Variants in PITPNA observed in about 807,000 individuals in gnomAD.
The protein encoded by PITPNA is phosphatidylinositol transfer protein alpha isoform.
Under a neutral mutation model 50.3 loss-of-function variants are expected in PITPNA, and 13 were observed. The observed-to-expected ratio is 0.26, with a 90% confidence interval of 0.17 to 0.41. The LOEUF (loss-of-function observed/expected upper bound fraction) is 0.41. Among genes scored for constraint, PITPNA ranks in the 10% least tolerant of loss-of-function variants. The pLI is 1.00. For missense variants in PITPNA, 207 were observed against 333.4 expected (o/e 0.62, Z 2.95); for synonymous variants, 120 against 119.6 (o/e 1.00, Z -0.02).
chr17:1,548,925 G>A (rs1473477746), intron 3 of PITPNA, among the ~76,000 whole-genome samples: 1 of 152,162 alleles, frequency 6.6e-6, no homozygotes, highest in Non-Finnish European at 1.5e-5. Flanking sequence ...TGTTTGAGAC[G>A]GAGTCTCCCT....
At chr17:1,526,133 A>G (rs1352339581) in intron 10 of PITPNA, among the ~76,000 whole-genome samples, 1 of 152,266 alleles carries the variant, frequency 6.6e-6, no homozygotes, top group Non-Finnish European at 1.5e-5. Context: ...TAACCTCACC[A>G]GTAACTGGAC....
At chr17:1,521,750 G>A (rs1181638500) in intron 10 of PITPNA, 105 bp from the exon 11 acceptor site, 1 of 878,002 alleles carries the variant, frequency 1.1e-6, no homozygotes, top group Non-Finnish European at 1.9e-6. Context: ...TGTGTAAAAA[G>A]CAAGACACTG....
At chr17:1,554,910 G>C (rs1341275810) in intron 2 of PITPNA, among the ~76,000 whole-genome samples, 1 of 152,210 alleles carries the variant, frequency 6.6e-6, no homozygotes, top group East Asian at 1.9e-4. Flanking sequence ...AGCTGCATCA[G>C]TGCTGCCTCA....
chr17:1,529,869 AAAAG>A (rs200982827), intron 10 of PITPNA, among the ~76,000 whole-genome samples: 1 of 152,096 alleles, frequency 6.6e-6, no homozygotes, highest in Non-Finnish European at 1.5e-5. Context: ...GAAAAAAAAA[AAAAG>A]AAAACAAGTT....
intron 7 of PITPNA, 144 bp downstream of exon 7, chr17:1,538,725 T>G: frequency 1.7e-6 from 1 of 581,994 alleles, no homozygotes; most frequent in Non-Finnish European, 3.0e-6. Flanking sequence ...AGAAATCTCC[T>G]AATACTCACT....
At position 1,518,510 on chromosome 17, in the gene PITPNA, T is replaced by C. The variant is rs2075486667; in HGVS notation, c.*2051A>G. On this transcript the variant is annotated 3_prime_UTR_variant, in exon 12 of 12. Transcript: ENST00000313486. ...GGAACAGACCAGGGACATCCTCCTT[T>C]ATGTTTATGTGGGCTGCAATTCCAG... 1 of 152,430 alleles carries C rather than the reference T, an allele frequency of 6.6e-6. No homozygotes were observed. 9.4% of individuals were successfully genotyped at this position (152,430 alleles called of 1,614,324 possible).
intron 10 of PITPNA, among the ~76,000 whole-genome samples, chr17:1,533,796 G>A (rs2075598004): frequency 6.6e-6 from 1 of 152,048 alleles, no homozygotes; most frequent in South Asian, 2.1e-4. Context: ...AGCCCCGCAC[G>A]CTCTTTCCCA....
intron 7 of PITPNA, among the ~76,000 whole-genome samples, chr17:1,536,449 G>A (rs1162618963): frequency 2.7e-5 from 4 of 149,572 alleles, no homozygotes; most frequent in Non-Finnish European, 4.5e-5. Context: ...CACCATGCCC[G>A]GCTAATTTTT....
At chr17:1,554,228 G>A (rs1038653644) in intron 2 of PITPNA, among the ~76,000 whole-genome samples, 5 of 152,028 alleles carry the variant, frequency 3.3e-5, no homozygotes, top group African/African-American at 7.3e-5. Context: ...CTTTCCTACC[G>A]CTGCCGGTGC....
intron 4 of PITPNA, among the ~76,000 whole-genome samples, chr17:1,545,917 CTTTTTTTT>C (rs11322049): frequency 5.8e-5 from 5 of 86,368 alleles, no homozygotes; most frequent in Admixed American, 1.6e-4. Context: ...TGCATACTGC[CTTTTTTTT>C]TTTTTTTTTT....
intron 2 of PITPNA, among the ~76,000 whole-genome samples, chr17:1,555,655 G>A (rs2075731553): frequency 6.6e-6 from 1 of 152,204 alleles, no homozygotes; most frequent in Admixed American, 6.5e-5. Flanking sequence ...AGCCCAGTGG[G>A]TGGGCCTGAA....
intron 1 of PITPNA, among the ~76,000 whole-genome samples, chr17:1,561,634 G>A (rs947962377): frequency 2.5e-4 from 38 of 152,020 alleles, no homozygotes; most frequent in African/African-American, 9.2e-4. Flanking sequence ...GTCTCCCCAC[G>A]TCCCAAGCAG....
At chr17:1,548,095 G>T (rs1219799383) in intron 4 of PITPNA, among the ~76,000 whole-genome samples, 1 of 152,210 alleles carries the variant, frequency 6.6e-6, no homozygotes, top group Non-Finnish European at 1.5e-5. Context: ...TGAGAGACTG[G>T]CTCTGTGCTC....
intron 6 of PITPNA, among the ~76,000 whole-genome samples, 172 bp downstream of exon 6, chr17:1,541,394 G>A (rs2075647170): frequency 6.6e-6 from 1 of 152,122 alleles, no homozygotes; most frequent in South Asian, 2.1e-4. Flanking sequence ...ATCACATTTT[G>A]CAAATCAGAG....
Position 1,518,198 on chromosome 17 carries a change from C to T in PITPNA, c.*2363G>A, listed in dbSNP as rs751892285. 1 of 152,414 alleles carries T rather than the reference C, an allele frequency of 6.6e-6. No individual in the cohort carries two copies. The highest frequency in any genetic ancestry group is 1.9e-4 in the East Asian group (1 of 5,188). 9.4% of individuals were successfully genotyped at this position (152,414 alleles called of 1,614,324 possible). ...GTAAAAGAACTTGGGAAGCTATACA[C>T]ATGCCCACGATACTGACCCTGTCCC... On this transcript the variant is annotated 3_prime_UTR_variant, in exon 12 of 12. Coordinates refer to ENST00000313486, the MANE Select transcript of PITPNA (RefSeq NM_006224.4).
At chr17:1,561,289 T>G (rs2075766676) in intron 1 of PITPNA, 1 of 152,118 alleles carries the variant, frequency 6.6e-6, no homozygotes, top group Non-Finnish European at 1.5e-5. Context: ...CCCCTGGATT[T>G]CAGGAGCAAA....
intron 10 of PITPNA, among the ~76,000 whole-genome samples, chr17:1,524,191 C>T (rs576756623): frequency 4.0e-5 from 6 of 151,802 alleles, no homozygotes; most frequent in African/African-American, 1.4e-4. Flanking sequence ...ACTATAGGTG[C>T]CCACCAACAC....
intron 2 of PITPNA, 21 bp from the exon 3 acceptor site, chr17:1,553,170 T>G: frequency 6.2e-7 from 1 of 1,613,460 alleles, no homozygotes; most frequent in Non-Finnish European, 8.5e-7. Flanking sequence ...GAGACAGATG[T>G]TATTCTCAAC....
intron 10 of PITPNA, among the ~76,000 whole-genome samples, chr17:1,532,908 G>C (rs2075593134): frequency 6.6e-6 from 1 of 152,242 alleles, no homozygotes; most frequent in Non-Finnish European, 1.5e-5. Context: ...AGTCAGCCCA[G>C]GAAAAGTGTC....
Sources: gnomAD v4.1 joint callset for allele counts (sites outside exome capture counted in the v4.1 genomes callset) on GRCh38, gnomAD v4.1.1 for gene constraint, MANE v1.5 for transcripts, NCBI Gene and HGNC (gene_info 2026-07-23, HGNC 2026-07-21) for gene names.